PTPRN2: variants seen among roughly 807,000 people sequenced by gnomAD.
PTPRN2 encodes the protein receptor-type tyrosine-protein phosphatase N2.
PTPRN2 carries 74 observed loss-of-function variants against 118.8 expected under a neutral mutation model. That is an observed-to-expected ratio of 0.62 (90% CI 0.52 to 0.76). The LOEUF (loss-of-function observed/expected upper bound fraction) is 0.76. PTPRN2 is among the 30% of genes least tolerant of loss of function. PTPRN2 has a pLI of 0.00. For missense variants in PTPRN2, 1,481 were observed against 1,394.4 expected (o/e 1.06, Z -0.99); for synonymous variants, 641 against 608.0 (o/e 1.05, Z -0.80).
At chr7:157,732,234 C>A (rs375732919) in intron 12 of PTPRN2, among the ~76,000 whole-genome samples, 1,073 of 32,396 alleles carry the variant, frequency 0.033, 1 homozygote, top group Admixed American at 0.053. Context: ...CCGTCCCACG[C>A]GCCCAGCACA....
intron 11 of PTPRN2, among the ~76,000 whole-genome samples, chr7:157,962,027 C>T (rs1021698506): frequency 6.6e-6 from 1 of 152,190 alleles, no homozygotes; most frequent in Non-Finnish European, 1.5e-5. Context: ...GCTGAAGAGG[C>T]CTCAGTGCCC....
Position 157,619,275 on chromosome 7 carries a change from A to G in PTPRN2, c.2344+2087T>C, listed in dbSNP as rs954610324. The stretch of plus-strand genomic sequence containing the variant: ...GAATATTTACCATGAAACACCTCAC[A>G]ATCTAAGTAAATGACCAGACACACA... On this transcript the variant is annotated intron_variant, in intron 15 of 22. Transcript: ENST00000389418. This position sits in a 1 kb window ranked among gnomAD's most constrained non-coding sequence, Gnocchi z 5.3. 2.0e-5 allele frequency among the ~76,000 whole-genome samples: 3 copies of G among 152,120 alleles called. No homozygotes were observed. Among genetic ancestry groups the G allele is most frequent in the Admixed American group, 6.5e-5 (1 of 15,278 alleles).
intron 5 of PTPRN2, among the ~76,000 whole-genome samples, chr7:158,191,744 G>A (rs530156465): frequency 6.6e-5 from 10 of 152,186 alleles, no homozygotes; most frequent in African/African-American, 9.6e-5. Flanking sequence ...CCTGGGGTTC[G>A]CCTCCGAGCC....
chr7:157,682,501 C>T (rs1175730739), intron 13 of PTPRN2, among the ~76,000 whole-genome samples: 1 of 152,146 alleles, frequency 6.6e-6, no homozygotes, highest in Non-Finnish European at 1.5e-5. Context: ...AGAGTTAACA[C>T]GAGGCTATCC....
intron 3 of PTPRN2, among the ~76,000 whole-genome samples, chr7:158,278,664 G>A (rs866086045): frequency 2.6e-5 from 4 of 152,190 alleles, no homozygotes; most frequent in East Asian, 1.9e-4. Flanking sequence ...GGACCCTCGC[G>A]GTGAGTGTTA....
At chr7:157,826,191 CAA>C (rs774900119) in intron 12 of PTPRN2, among the ~76,000 whole-genome samples, 1 of 151,022 alleles carries the variant, frequency 6.6e-6, no homozygotes, top group African/African-American at 2.4e-5. Flanking sequence ...GCGTGCTGTG[CAA>C]AGACAGCAGC....
chr7:158,116,564 T>C (rs1257251008), intron 9 of PTPRN2, among the ~76,000 whole-genome samples: 4 of 152,344 alleles, frequency 2.6e-5, no homozygotes, highest in Middle Eastern at 6.8e-3. Flanking sequence ...AATACAGATG[T>C]TGTCCTCCAA....
intron 11 of PTPRN2, among the ~76,000 whole-genome samples, chr7:157,976,010 G>A (rs1273183317): frequency 6.6e-6 from 1 of 152,210 alleles, no homozygotes; most frequent in Non-Finnish European, 1.5e-5. Flanking sequence ...GGATGGCAGA[G>A]CAGAGCTGGG....
intron 6 of PTPRN2, among the ~76,000 whole-genome samples, chr7:158,155,523 TCACCATCAGCACTATCATCAC>T (rs1821652180): frequency 1.5e-4 from 14 of 91,430 alleles, no homozygotes; most frequent in East Asian, 3.9e-4. Context: ...ATCATCACCA[TCACCATCAGCACTATCATCAC>T]CATCAACACC....
chr7:157,742,297 T>G (rs1028324400), intron 12 of PTPRN2, among the ~76,000 whole-genome samples: 1 of 152,188 alleles, frequency 6.6e-6, no homozygotes, highest in African/African-American at 2.4e-5. Context: ...AACAGGTGAC[T>G]GGGGTAACCA....
At chr7:157,589,187 G>A (rs1480748767) in intron 17 of PTPRN2, among the ~76,000 whole-genome samples, 1 of 152,180 alleles carries the variant, frequency 6.6e-6, no homozygotes, top group Non-Finnish European at 1.5e-5. Flanking sequence ...CGCCTCCGGG[G>A]ACCCCATGAG....
intron 11 of PTPRN2, among the ~76,000 whole-genome samples, chr7:158,002,115 C>T (rs934721825): frequency 2.0e-5 from 3 of 152,204 alleles, no homozygotes; most frequent in Non-Finnish European, 4.4e-5. Context: ...CCCACCGAGG[C>T]GGGAGCCACA....
chr7:158,060,489 G>A (rs1006472661), intron 11 of PTPRN2, among the ~76,000 whole-genome samples: 1 of 152,252 alleles, frequency 6.6e-6, no homozygotes, highest in African/African-American at 2.4e-5. Flanking sequence ...CTCTGTGTCT[G>A]TACCTTCACG....
chr7:157,805,762 G>A (rs1394663059), intron 12 of PTPRN2, among the ~76,000 whole-genome samples: 3 of 152,186 alleles, frequency 2.0e-5, no homozygotes, highest in South Asian at 4.1e-4. Context: ...CAGAACAGAA[G>A]CAATTCAAAA....
chr7:157,757,426 C>T (rs1416521404), intron 12 of PTPRN2, among the ~76,000 whole-genome samples: 2 of 152,114 alleles, frequency 1.3e-5, no homozygotes, highest in African/African-American at 4.8e-5. Context: ...GGCAGGAGTG[C>T]TGGAGCTCTC....
intron 3 of PTPRN2, among the ~76,000 whole-genome samples, chr7:158,296,674 C>A (rs1425660825): frequency 6.6e-6 from 1 of 152,210 alleles, no homozygotes; most frequent in Non-Finnish European, 1.5e-5. Flanking sequence ...TCTGTATGCT[C>A]CCCTGCAGGT....
chr7:158,520,531 A>C (rs1823901261), intron 1 of PTPRN2, among the ~76,000 whole-genome samples: 2 of 152,166 alleles, frequency 1.3e-5, no homozygotes, highest in African/African-American at 2.4e-5. Flanking sequence ...CCCCTGGAGA[A>C]ACACTCCCCA....
intron 16 of PTPRN2, among the ~76,000 whole-genome samples, chr7:157,602,959 T>C (rs1293586667): frequency 1.3e-5 from 2 of 152,192 alleles, no homozygotes; most frequent in African/African-American, 4.8e-5. Flanking sequence ...AAAGGCAAAT[T>C]TGGAATTTTA....
chr7:158,341,152 C>G (rs1289332968), intron 2 of PTPRN2, among the ~76,000 whole-genome samples: 7 of 133,608 alleles, frequency 5.2e-5, no homozygotes, highest in Admixed American at 7.4e-5. Flanking sequence ...ACCATAAGAG[C>G]TGACGCCCGC....
Sources: allele counts gnomAD v4.1 joint callset (sites outside exome capture counted in the v4.1 genomes callset), GRCh38; gene constraint gnomAD v4.1.1; non-coding constraint Gnocchi (gnomAD v3.1); transcripts MANE v1.5; gene names NCBI Gene and HGNC (gene_info 2026-07-23, HGNC 2026-07-21).